Variants in ERAP1 observed in about 807,000 individuals in gnomAD.
ERAP1 encodes adipocyte-derived leucine aminopeptidase.
Under a neutral mutation model 103.7 loss-of-function variants are expected in ERAP1, and 86 were observed. The observed-to-expected ratio is 0.83, with a 90% confidence interval of 0.70 to 0.99. ERAP1 has a LOEUF of 0.99. Ranked by LOEUF, ERAP1 falls within the 50% of genes least tolerant of loss-of-function variation. The pLI is 0.00. For missense variants in ERAP1, 1,009 were observed against 1,128.4 expected (o/e 0.89, Z 1.52); for synonymous variants, 398 against 402.4 (o/e 0.99, Z 0.13).
chr5:96,828,921 A>G, the ERAP1 span, among the ~76,000 whole-genome samples: 2 of 152,116 alleles, frequency 1.3e-5, no homozygotes, highest in Non-Finnish European at 2.9e-5. Context: ...ATCTCGGCTC[A>G]TTGCAACCTC....
chr5:96,861,643 C>T, the ERAP1 span, among the ~76,000 whole-genome samples: 1 of 152,172 alleles, frequency 6.6e-6, no homozygotes, highest in African/African-American at 2.4e-5. Context: ...TGCCAGGCTT[C>T]ATCACATACC....
At chr5:96,825,055 A>G in the ERAP1 span, among the ~76,000 whole-genome samples, 1 of 152,100 alleles carries the variant, frequency 6.6e-6, no homozygotes, top group African/African-American at 2.4e-5. Context: ...AAATAAATAA[A>G]TTAATTAATT....
the ERAP1 span, among the ~76,000 whole-genome samples, chr5:96,927,099 G>T: frequency 3.7e-4 from 56 of 152,268 alleles, no homozygotes; most frequent in Admixed American, 1.0e-3. Flanking sequence ...TTACAGGTGT[G>T]AGCCACCACA....
intron 13 of ERAP1, among the ~76,000 whole-genome samples, chr5:96,784,374 T>A (rs953257788): frequency 6.6e-6 from 1 of 151,944 alleles, no homozygotes; most frequent in African/African-American, 2.4e-5. Flanking sequence ...AGGTACTTGG[T>A]ATGTGGGAGG....
At chr5:96,933,951 G>A in the ERAP1 span, among the ~76,000 whole-genome samples, 1 of 152,164 alleles carries the variant, frequency 6.6e-6, no homozygotes, top group Non-Finnish European at 1.5e-5. Flanking sequence ...CACACATTAG[G>A]GAGATAGCAG....
At chr5:96,842,336 A>G in the ERAP1 span, among the ~76,000 whole-genome samples, 1 of 152,188 alleles carries the variant, frequency 6.6e-6, no homozygotes, top group Non-Finnish European at 1.5e-5. Context: ...TGGTTGATCT[A>G]CTTTTAGTTC....
At chr5:96,917,485 T>C in the ERAP1 span, 52 of 1,612,436 alleles carry the variant, frequency 3.2e-5, no homozygotes, top group Admixed American at 8.1e-4. Context: ...TTGAATCTCT[T>C]GAGGCTCAAG....
the ERAP1 span, among the ~76,000 whole-genome samples, chr5:96,821,978 T>G: frequency 1.3e-5 from 2 of 152,308 alleles, no homozygotes; most frequent in African/African-American, 4.8e-5. Context: ...TCGTATTTAT[T>G]TAAAAGCAAT....
At chr5:96,864,495 T>C in the ERAP1 span, among the ~76,000 whole-genome samples, 1 of 152,186 alleles carries the variant, frequency 6.6e-6, no homozygotes, top group Non-Finnish European at 1.5e-5. Context: ...CTTTGCTATG[T>C]TTTGTATGCA....
At chr5:96,879,338 C>T in the ERAP1 span, among the ~76,000 whole-genome samples, 9 of 152,184 alleles carry the variant, frequency 5.9e-5, no homozygotes, top group African/African-American at 2.2e-4. Context: ...AGAAGAAATT[C>T]ATTACATTCA....
At chr5:96,875,267 T>C in the ERAP1 span, among the ~76,000 whole-genome samples, 1 of 152,058 alleles carries the variant, frequency 6.6e-6, no homozygotes, top group Non-Finnish European at 1.5e-5. Context: ...AGTTGCGGTG[T>C]CTCATGCCTG....
At chr5:96,865,539 T>G in the ERAP1 span, among the ~76,000 whole-genome samples, 1 of 152,228 alleles carries the variant, frequency 6.6e-6, no homozygotes, top group Non-Finnish European at 1.5e-5. Flanking sequence ...TCTCTACAAG[T>G]AATACATCTG....
chr5:96,800,885 G>T lies in ERAP1; in HGVS notation c.640C>A (p.Leu214Ile), dbSNP rs1370045374. ...SIKIRREPRH[L>I]AISNMPLVKS... Reference sequence around the variant, plus strand: ...ACCAATGGCATATTGGAGATGGCTAGGTGCCTTGGCTCTCTTCTAATTTTG... The same window carrying T: ...ACCAATGGCATATTGGAGATGGCTATGTGCCTTGGCTCTCTTCTAATTTTG... The change falls in exon 3 of 19, where the codon CTA becomes ATA. Residue 214 changes from leucine to isoleucine, a missense_variant. This residue lies in a region of ERAP1 where 392 missense variants were observed against 455.2 expected (regional missense o/e 0.86). Transcript: ENST00000443439. 1.9e-6 allele frequency: 3 copies of T among 1,614,038 alleles called. No individual in the cohort carries two copies. The highest frequency in any genetic ancestry group is 1.7e-5 in the Admixed American group (1 of 60,002).
At chr5:96,879,007 G>A in the ERAP1 span, among the ~76,000 whole-genome samples, 1 of 152,096 alleles carries the variant, frequency 6.6e-6, no homozygotes, top group Non-Finnish European at 1.5e-5. Context: ...TGGGAGGATT[G>A]CTTGAGTTTA....
At chr5:96,847,190 G>A in the ERAP1 span, among the ~76,000 whole-genome samples, 1 of 149,020 alleles carries the variant, frequency 6.7e-6, no homozygotes, top group Non-Finnish European at 1.5e-5. Flanking sequence ...GGAAGTTACA[G>A]TGAGCTGAGA....
the ERAP1 span, chr5:96,909,209 T>C: frequency 1.5e-6 from 2 of 1,294,728 alleles, no homozygotes; most frequent in Non-Finnish European, 2.2e-6. Flanking sequence ...GTCCTTGAGG[T>C]TAAATCTGGA....
the ERAP1 span, among the ~76,000 whole-genome samples, chr5:96,923,166 A>C: frequency 5.3e-5 from 8 of 152,018 alleles, no homozygotes; most frequent in East Asian, 1.5e-3. Flanking sequence ...TTTTGTAGAG[A>C]TGGGGGTCTC....
At chr5:96,933,131 A>T in the ERAP1 span, among the ~76,000 whole-genome samples, 1 of 151,142 alleles carries the variant, frequency 6.6e-6, no homozygotes, top group Non-Finnish European at 1.5e-5. Flanking sequence ...AACAAACTTC[A>T]TTATTATTCT....
chr5:96,913,520 A>G, the ERAP1 span: 1 of 1,542,648 alleles, frequency 6.5e-7, no homozygotes, highest in Non-Finnish European at 8.9e-7. Context: ...GCCTCAAACC[A>G]AGTGTAATCA....
Sources: allele counts gnomAD v4.1 joint callset (sites outside exome capture counted in the v4.1 genomes callset), GRCh38; gene constraint gnomAD v4.1.1; regional missense constraint gnomAD v4.1.1; transcripts MANE v1.5; gene names NCBI Gene and HGNC (gene_info 2026-07-23, HGNC 2026-07-21).